The following DBNDD1 variants were observed in gnomAD, a reference collection of about 807,000 sequenced individuals.
DBNDD1 encodes the protein dysbindin domain containing 1.
A neutral mutation model predicts 17.0 loss-of-function variants in DBNDD1; 14 were observed. The ratio of observed to expected loss-of-function variants is 0.82; its 90% CI spans 0.54 to 1.29. DBNDD1 has a LOEUF of 1.29. Among genes scored for constraint, DBNDD1 ranks in the 50% most tolerant of loss-of-function variants. DBNDD1 has a pLI of 0.00. For synonymous variants in DBNDD1, 105 were observed against 102.0 expected (o/e 1.03, Z -0.18); for missense variants, 221 against 216.2 (o/e 1.02, Z -0.14).
At chr16:90,014,770 C>T (rs12925420) in intron 1 of DBNDD1, among the ~76,000 whole-genome samples, 48,740 of 151,822 alleles carry the variant, frequency 0.32, 9,713 homozygotes, top group Middle Eastern at 0.46. Flanking sequence ...TTTGGGAGGC[C>T]AAGGCGGGCG....
chr16:90,019,866 C>A (rs1359505531), upstream of DBNDD1: 2 of 678,576 alleles, frequency 2.9e-6, no homozygotes, highest in African/African-American at 1.8e-5. This position sits in a 1 kb window ranked among gnomAD's most constrained non-coding sequence, Gnocchi z 6.1. Context: ...GACAGACTCA[C>A]AGAGCGCCCT....
intron 1 of DBNDD1, among the ~76,000 whole-genome samples, chr16:90,012,115 GGAGGGTGCTGCAGCCGGCCCT>G (rs1366054443): frequency 2.0e-5 from 3 of 152,258 alleles, no homozygotes; most frequent in Non-Finnish European, 2.9e-5. Context: ...TCGAGTCTCA[GGAGGGTGCTGCAGCCGGCCCT>G]GAGGGTGCGG....
In DBNDD1 at chr16:90,009,322, A is replaced by T. The variant is rs371183361; in HGVS notation, c.140T>A (p.Val47Glu). Residue 47 changes from valine to glutamate, a missense_variant, in exon 2 of 4, where the codon GTA (valine) becomes GAA (glutamate). Val to Glu is a moderately radical substitution (Grantham distance 121, BLOSUM62 -2). Coordinates refer to ENST00000002501, the MANE Select transcript of DBNDD1 (RefSeq NM_001042610.3). Reference protein sequence around the residue: ...PVEEEVGGIPVPAPGLLQVTE... With the variant: ...PVEEEVGGIPEPAPGLLQVTE... ...GACCTGCAGGAGCCCCGGTGCTGGT[A>T]CTGGGATGCCCCCGACCTCCTCCTC... The T allele has an allele frequency of 1.9e-6, 3 of 1,613,506 alleles. No homozygotes were observed. Among genetic ancestry groups the T allele is most frequent in the Non-Finnish European group, 2.5e-6 (3 of 1,179,972 alleles).
rs545672332 is a variant in DBNDD1, at chr16:90,011,375, G to A, written c.32-1945C>T. Among the ~76,000 whole-genome samples, 298 of 152,352 alleles carry A rather than the reference G, an allele frequency of 2.0e-3. 3 individuals carry two copies. The highest frequency in any genetic ancestry group is 4.2e-3 in the Admixed American group (65 of 15,310). On this transcript the variant is annotated intron_variant, in intron 1 of 3. Coordinates refer to ENST00000002501, the MANE Select transcript of DBNDD1 (RefSeq NM_001042610.3). ...ACCCCTCCCCAGCAGAGCCAAGGGA[G>A]CTGAGGCCCGCAGGTGCCCGGCCTC...
chr16:90,012,332 T>C (rs1214308397), intron 1 of DBNDD1, among the ~76,000 whole-genome samples: 2 of 152,112 alleles, frequency 1.3e-5, no homozygotes, highest in Non-Finnish European at 2.9e-5. Context: ...CCTCCCCAGG[T>C]TTACAGGCCA....
At chr16:90,009,677 C>G (rs1276735433) in intron 1 of DBNDD1, 2 of 640,240 alleles carry the variant, frequency 3.1e-6, no homozygotes, top group Non-Finnish European at 5.3e-6. Flanking sequence ...ATCTGAGATC[C>G]AGATCACCTT....
chr16:90,016,229 AGTAGGTGC>A (rs1432805875), intron 1 of DBNDD1, among the ~76,000 whole-genome samples: 1 of 152,168 alleles, frequency 6.6e-6, no homozygotes, highest in Non-Finnish European at 1.5e-5. Context: ...CCTAGCGCAC[AGTAGGTGC>A]GCAGTAAACA....
In DBNDD1 at chr16:90,005,257, G is replaced by C. The variant is rs1285209712; in HGVS notation, c.*1078C>G. ...AATGGGGCAGGGGGCAGGCTGGCTT[G>C]GGGATGGAAAGTAAGCTTACACTTT... On this transcript the variant is annotated 3_prime_UTR_variant, in exon 4 of 4. Coordinates refer to ENST00000002501, the MANE Select transcript of DBNDD1 (RefSeq NM_001042610.3). The C allele has an allele frequency of 6.6e-6, 1 of 152,328 alleles. No individual in the cohort carries two copies. Among genetic ancestry groups the C allele is most frequent in the African/African-American group, 2.4e-5 (1 of 41,460 alleles). 9.4% of individuals were successfully genotyped at this position (152,328 alleles called of 1,614,324 possible).
In DBNDD1 at chr16:90,019,271, A is replaced by AGCGCT; in HGVS notation, c.31+35_31+39dup. On this transcript the variant is annotated intron_variant, in intron 1 of 3. Transcript: ENST00000002501. This position sits in a 1 kb window ranked among gnomAD's most constrained non-coding sequence, Gnocchi z 6.1. ...GAGGGGCTGCGGCTCGCTGCGGGGA[A>AGCGCT]GCGCTGCGCGGGGGTCTCGGGGGCT... is the stretch of plus-strand genomic sequence containing the variant. The AGCGCT allele has an allele frequency of 8.9e-7, 1 of 1,124,810 alleles. No homozygotes were observed. The highest frequency in any genetic ancestry group is 1.1e-6 in the Non-Finnish European group (1 of 894,828). 69.7% of individuals were successfully genotyped at this position (1,124,810 alleles called of 1,614,324 possible). A position where few individuals can be genotyped will look rare whatever the true frequency, so the allele number is the denominator to read the frequency against.
rs184812605 is a variant in DBNDD1, at chr16:90,009,251, C to A, written c.178+33G>T. 1,378 of 1,610,008 alleles carry A rather than the reference C, an allele frequency of 8.6e-4. 14 individuals are homozygous for A. The African/African-American group carries it at 0.017, about 20-fold the overall frequency. ...CTCTTGGGGGAGCTCACGGGGTCCC[C>A]ATAGCGTGCGCTGGGCAGGGAGCAG... On this transcript the variant is annotated intron_variant, in intron 2 of 3. Transcript: ENST00000002501.
At chr16:90,015,889 G>C (rs949476271) in intron 1 of DBNDD1, among the ~76,000 whole-genome samples, 12 of 152,052 alleles carry the variant, frequency 7.9e-5, no homozygotes, top group South Asian at 2.1e-4. Context: ...TTTCTTTCTG[G>C]GGGGGTAATG....
At chr16:90,010,528 C>G (rs979886507) in intron 1 of DBNDD1, among the ~76,000 whole-genome samples, 2 of 150,362 alleles carry the variant, frequency 1.3e-5, no homozygotes, top group African/African-American at 4.9e-5. Context: ...CCACCACACC[C>G]AGCTAATTTT....
rs76696288 is a variant in DBNDD1 at position 90,007,951 on chromosome 16, T to G, written c.319+833A>C. ...ACCCCCCAAACACACCTCCCAGGAC[T>G]TCCCAAGGGGCCTCACCCCCCAAAC... On this transcript the variant is annotated intron_variant, in intron 3 of 3. Coordinates refer to ENST00000002501, the MANE Select transcript of DBNDD1 (RefSeq NM_001042610.3). 4.4e-3 allele frequency among the ~76,000 whole-genome samples: 549 copies of G among 125,468 alleles called. 19 individuals carry two copies. The highest frequency in any genetic ancestry group is 0.018 in the East Asian group (61 of 3,400). The allele number at this position is 125,468 out of a possible 152,430, so 82.3% of individuals were successfully genotyped here.
At chr16:90,014,164 G>GC (rs2035600491) in intron 1 of DBNDD1, among the ~76,000 whole-genome samples, 1 of 150,796 alleles carries the variant, frequency 6.6e-6, no homozygotes, top group Non-Finnish European at 1.5e-5. Context: ...GTCTCGCTCT[G>GC]TCACCAGGCT....
intron 1 of DBNDD1, among the ~76,000 whole-genome samples, chr16:90,010,758 C>T (rs181899538): frequency 6.6e-6 from 1 of 152,338 alleles, no homozygotes; most frequent in Admixed American, 6.5e-5. Flanking sequence ...CTCAGCCCCT[C>T]CTCAGCTGCT....
Position 90,019,248 on chromosome 16 carries a change from G to A in DBNDD1, c.31+63C>T, listed in dbSNP as rs1052955556. 3 of 884,586 alleles carry A rather than the reference G, an allele frequency of 3.4e-6. No homozygotes were observed. Among genetic ancestry groups the A allele is most frequent in the East Asian group, 6.9e-5 (2 of 29,004 alleles). The allele number at this position is 884,586 out of a possible 1,614,324, so 54.8% of individuals were successfully genotyped here. ...CGGCGAAGGGTGAGCCCTGGGGGGA[G>A]GGGCTGCGGCTCGCTGCGGGGAAGC... On this transcript the variant is annotated intron_variant, in intron 1 of 3. Coordinates refer to ENST00000002501, the MANE Select transcript of DBNDD1 (RefSeq NM_001042610.3). This position sits in a 1 kb window ranked among gnomAD's most constrained non-coding sequence, Gnocchi z 6.1.
chr16:90,009,527 T>A, intron 1 of DBNDD1, 97 bp from the exon 2 acceptor site: 2 of 1,546,508 alleles, frequency 1.3e-6, no homozygotes, highest in Non-Finnish European at 1.8e-6. Flanking sequence ...CATCCAGTCC[T>A]TTGAAACTCT....
intron 3 of DBNDD1, among the ~76,000 whole-genome samples, chr16:90,007,926 A>AG (rs1280378895): frequency 0.012 from 1,604 of 138,518 alleles, 23 homozygotes; most frequent in East Asian, 0.037. Flanking sequence ...AAGGGGCCTC[A>AG]CCCCCCAAAC....
intron 1 of DBNDD1, 57 bp from the exon 2 acceptor site, chr16:90,009,487 G>T: frequency 6.3e-7 from 1 of 1,596,648 alleles, no homozygotes; most frequent in Non-Finnish European, 8.5e-7. Flanking sequence ...CATCCCCCCA[G>T]GACGCGGGGC....
Sources: allele counts gnomAD v4.1 joint callset (sites outside exome capture counted in the v4.1 genomes callset), GRCh38; gene constraint gnomAD v4.1.1; non-coding constraint Gnocchi (gnomAD v3.1); transcripts MANE v1.5; gene names NCBI Gene and HGNC (gene_info 2026-07-23, HGNC 2026-07-21).